The following DIAPH3 variants were observed in gnomAD, a reference collection of about 807,000 sequenced individuals.
DIAPH3 encodes diaphanous related formin 3, also known as protein diaphanous homolog 3.
DIAPH3 carries 117 observed loss-of-function variants against 144.3 expected under a neutral mutation model. The observed-to-expected ratio is 0.81, with a 90% CI of 0.70 to 0.95. The LOEUF (loss-of-function observed/expected upper bound fraction) is 0.95. Ranked by LOEUF, DIAPH3 falls within the 40% of genes least tolerant of loss-of-function variation. DIAPH3 has a pLI of 0.00. For synonymous variants in DIAPH3, 519 were observed against 488.9 expected (o/e 1.06, Z -0.81); for missense variants, 1,421 against 1,412.7 (o/e 1.01, Z -0.09).
At chr13:60,023,850 CTTTTTTTTTTTTTT>C (rs35707483) in intron 5 of DIAPH3, among the ~76,000 whole-genome samples, 1 of 68,874 alleles carries the variant, frequency 1.5e-5, no homozygotes, top group South Asian at 6.5e-4. Flanking sequence ...ACTATTCAGC[CTTTTTTTTTTTTTT>C]TTTTTTTTTG....
At chr13:60,071,551 A>T (rs2057207516) in intron 4 of DIAPH3, among the ~76,000 whole-genome samples, 1 of 152,154 alleles carries the variant, frequency 6.6e-6, no homozygotes, top group African/African-American at 2.4e-5. Flanking sequence ...TGGGCCCTCA[A>T]GGTAGCTTTC....
intron 5 of DIAPH3, among the ~76,000 whole-genome samples, chr13:60,017,347 T>C (rs1037033166): frequency 6.7e-6 from 1 of 149,118 alleles, no homozygotes; most frequent in Admixed American, 6.8e-5. Flanking sequence ...GAGGTTGCAG[T>C]GAGCCGAGAT....
intron 17 of DIAPH3, among the ~76,000 whole-genome samples, chr13:59,953,091 T>C (rs755570205): frequency 2.6e-5 from 4 of 152,044 alleles, no homozygotes; most frequent in African/African-American, 7.2e-5. Flanking sequence ...AAGGAAAACA[T>C]GGCAGGATTA....
intron 4 of DIAPH3, among the ~76,000 whole-genome samples, chr13:60,079,818 A>G (rs2057492469): frequency 6.6e-6 from 1 of 151,968 alleles, no homozygotes; most frequent in African/African-American, 2.4e-5. Flanking sequence ...TTTTTATTCA[A>G]CTTTTTATTA....
intron 9 of DIAPH3, among the ~76,000 whole-genome samples, chr13:60,001,222 G>T (rs2052513324): frequency 6.6e-6 from 1 of 152,124 alleles, no homozygotes; most frequent in African/African-American, 2.4e-5. Flanking sequence ...CTCTCCTACA[G>T]CACATCCTGC....
At chr13:59,746,421 C>T (rs768066752) in intron 27 of DIAPH3, among the ~76,000 whole-genome samples, 1 of 151,460 alleles carries the variant, frequency 6.6e-6, no homozygotes, top group Non-Finnish European at 1.5e-5. Context: ...TTGGGTTTCA[C>T]CATGTTGGCC....
At chr13:60,149,624 G>A (rs1394010019) in intron 1 of DIAPH3, among the ~76,000 whole-genome samples, 6 of 151,762 alleles carry the variant, frequency 4.0e-5, no homozygotes, top group Admixed American at 1.3e-4. Context: ...GCGGTGCAGC[G>A]TGCCTGTAGT....
intron 22 of DIAPH3, among the ~76,000 whole-genome samples, chr13:59,857,331 T>A (rs2043314068): frequency 6.6e-6 from 1 of 152,070 alleles, no homozygotes; most frequent in African/African-American, 2.4e-5. Context: ...TATCATAAAA[T>A]GATGGAAACG....
intron 15 of DIAPH3, among the ~76,000 whole-genome samples, chr13:59,973,633 A>G (rs758767722): frequency 2.5e-4 from 38 of 152,146 alleles, no homozygotes; most frequent in Non-Finnish European, 4.7e-4. Context: ...AATTGCCAGT[A>G]AGATAGGATA....
At chr13:60,070,294 TTTTTG>T (rs2057151305) in intron 4 of DIAPH3, among the ~76,000 whole-genome samples, 1 of 151,852 alleles carries the variant, frequency 6.6e-6, no homozygotes, top group African/African-American at 2.4e-5. Context: ...TTTTTTTTTT[TTTTTG>T]CTCTTTTTTT....
chr13:60,077,149 T>G (rs915326267), intron 4 of DIAPH3, among the ~76,000 whole-genome samples: 1 of 152,106 alleles, frequency 6.6e-6, no homozygotes, highest in Non-Finnish European at 1.5e-5. Context: ...ACAAGTTATC[T>G]TAGAATTTCT....
At chr13:59,819,464 T>C (rs1230386574) in intron 24 of DIAPH3, among the ~76,000 whole-genome samples, 2 of 151,892 alleles carry the variant, frequency 1.3e-5, no homozygotes, top group Non-Finnish European at 2.9e-5. Flanking sequence ...GTAAATCGTA[T>C]TGTGATAAGC....
intron 27 of DIAPH3, among the ~76,000 whole-genome samples, chr13:59,713,455 C>CA (rs1271382699): frequency 3.3e-5 from 5 of 152,130 alleles, no homozygotes; most frequent in African/African-American, 1.2e-4. Context: ...AGTCCACCTC[C>CA]ACTGAGGACT....
Position 59,687,557 on chromosome 13 carries a change from G to A in DIAPH3, c.3320-20711C>T, listed in dbSNP as rs140084500. The stretch of plus-strand genomic sequence containing the variant: ...TTTTATGAGGCTAAGAATACAGGAA[G>A]TAGAGTTTTAACCCTTTTGATAAGA... On this transcript the variant is annotated intron_variant, in intron 27 of 27. Transcript: ENST00000400324. 2.0e-5 allele frequency among the ~76,000 whole-genome samples: 3 copies of A among 152,162 alleles called. No individual in the cohort carries two copies. The East Asian group carries it at 5.8e-4, about 29-fold the overall frequency.
At chr13:59,711,640 G>T (rs959630616) in intron 27 of DIAPH3, among the ~76,000 whole-genome samples, 1 of 152,108 alleles carries the variant, frequency 6.6e-6, no homozygotes, top group African/African-American at 2.4e-5. Context: ...TTAGTCCTCA[G>T]AACAATTCAA....
intron 4 of DIAPH3, among the ~76,000 whole-genome samples, chr13:60,054,089 T>A (rs1023165326): frequency 1.3e-5 from 2 of 152,074 alleles, no homozygotes; most frequent in African/African-American, 4.8e-5. Flanking sequence ...AATGATACCT[T>A]ATTTCTCCCA....
intron 4 of DIAPH3, among the ~76,000 whole-genome samples, chr13:60,093,202 C>T (rs909108788): frequency 6.6e-6 from 1 of 152,110 alleles, no homozygotes; most frequent in African/African-American, 2.4e-5. Context: ...TAATTTGTTA[C>T]AAGATAATTT....
At chr13:59,834,661 C>G (rs2041952168) in intron 23 of DIAPH3, among the ~76,000 whole-genome samples, 1 of 151,678 alleles carries the variant, frequency 6.6e-6, no homozygotes, top group Non-Finnish European at 1.5e-5. Flanking sequence ...TCATCTTCAT[C>G]TAAAAGAAAA....
intron 3 of DIAPH3, among the ~76,000 whole-genome samples, chr13:60,109,873 C>T (rs1030177012): frequency 5.9e-5 from 9 of 152,172 alleles, no homozygotes; most frequent in East Asian, 1.9e-4. Flanking sequence ...AACTATTTCA[C>T]GTATCTAATA....
Sources: allele counts gnomAD v4.1 joint callset (sites outside exome capture counted in the v4.1 genomes callset), GRCh38; gene constraint gnomAD v4.1.1; transcripts MANE v1.5; gene names NCBI Gene and HGNC (gene_info 2026-07-23, HGNC 2026-07-21).